The following MAGI1 variants were observed in gnomAD, a reference collection of about 807,000 sequenced individuals.
MAGI1 encodes membrane associated guanylate kinase, WW and PDZ domain containing 1, also known as membrane-associated guanylate kinase, WW and PDZ domain-containing protein 1.
Under a neutral mutation model 139.9 loss-of-function variants are expected in MAGI1, and 58 were observed. The observed-to-expected ratio is 0.41, with a 90% confidence interval of 0.34 to 0.52. MAGI1 has a LOEUF of 0.52. Ranked by LOEUF, MAGI1 falls within the 20% of genes least tolerant of loss-of-function variation. MAGI1 has a pLI of 0.12. For missense variants in MAGI1, 1,874 were observed against 1,901.6 expected (o/e 0.99, Z 0.27); for synonymous variants, 812 against 737.9 (o/e 1.10, Z -1.63).
At chr3:65,951,061 T>C (rs28623330) in intron 1 of MAGI1, among the ~76,000 whole-genome samples, 3,811 of 130,586 alleles carry the variant, frequency 0.029, 248 homozygotes, top group African/African-American at 0.11. Context: ...GGGAGGAAGG[T>C]GGGAGGGAAA....
At chr3:65,822,101 A>G (rs559264427) in intron 1 of MAGI1, among the ~76,000 whole-genome samples, 2 of 152,184 alleles carry the variant, frequency 1.3e-5, no homozygotes, top group Non-Finnish European at 2.9e-5. Flanking sequence ...GGTAATCCAC[A>G]CTATGGGAAA....
At chr3:65,730,555 G>A (rs73832937) in intron 1 of MAGI1, among the ~76,000 whole-genome samples, 1,741 of 152,324 alleles carry the variant, frequency 0.011, 33 homozygotes, top group African/African-American at 0.04. Flanking sequence ...TGGTGTGGCA[G>A]AATGGACTGA....
intron 1 of MAGI1, among the ~76,000 whole-genome samples, chr3:65,767,501 A>G (rs704463): frequency 0.16 from 24,352 of 152,148 alleles, 2,368 homozygotes; most frequent in South Asian, 0.39. Context: ...TACTCAAAGC[A>G]TTTTCAAAAT....
chr3:65,812,661 A>G (rs2041341122), intron 1 of MAGI1, among the ~76,000 whole-genome samples: 1 of 151,150 alleles, frequency 6.6e-6, no homozygotes, highest in African/African-American at 2.4e-5. Flanking sequence ...AGACCACATT[A>G]AATCAATGAT....
Position 65,363,482 on chromosome 3 carries a change from T to C in MAGI1, c.3478A>G (p.Arg1160Gly). ...LRLAEDGPAE[R>G]CGKMRIGDEI... ...CCACTTACCCTCATCTTTCCACACC[T>C]CTCCGCAGGACCGTCCTCTGCTAAG... The change falls in exon 21 of 23, where the codon AGG (arginine) becomes GGG (glycine). Residue 1160 changes from arginine (R) to glycine (G), a missense_variant. Physicochemically the swap from Arg to Gly is moderately radical, Grantham distance 125 (BLOSUM62 -2). Coordinates refer to ENST00000402939, the MANE Select transcript of MAGI1 (RefSeq NM_001033057.2). 1 of 1,612,112 alleles carries C rather than the reference T, an allele frequency of 6.2e-7. No individual in the cohort carries two copies.
At chr3:65,742,630 T>C (rs1005332335) in intron 1 of MAGI1, among the ~76,000 whole-genome samples, 2 of 152,182 alleles carry the variant, frequency 1.3e-5, no homozygotes, top group Non-Finnish European at 2.9e-5. Context: ...TCTGCTGGGG[T>C]GCATGCACAA....
At chr3:65,419,456 A>G (rs1350971422) in intron 12 of MAGI1, among the ~76,000 whole-genome samples, 1 of 152,222 alleles carries the variant, frequency 6.6e-6, no homozygotes, top group Non-Finnish European at 1.5e-5. Flanking sequence ...ACAGCCCAGT[A>G]ATAGGTCACA....
intron 1 of MAGI1, among the ~76,000 whole-genome samples, chr3:65,975,407 A>G (rs1205012521): frequency 6.6e-6 from 1 of 152,200 alleles, no homozygotes; most frequent in African/African-American, 2.4e-5. Flanking sequence ...TATATAAGGC[A>G]TAAAATTTAA....
chr3:65,941,795 T>C (rs1321314534), intron 1 of MAGI1, among the ~76,000 whole-genome samples: 1 of 152,222 alleles, frequency 6.6e-6, no homozygotes, highest in Non-Finnish European at 1.5e-5. Flanking sequence ...GTTGTTGTTG[T>C]TGCTGCTGTT....
chr3:65,524,488 T>C (rs550054740), intron 2 of MAGI1, among the ~76,000 whole-genome samples: 1 of 152,314 alleles, frequency 6.6e-6, no homozygotes, highest in Non-Finnish European at 1.5e-5. Flanking sequence ...TAGGGTAAAT[T>C]GGACTGTCTT....
intron 1 of MAGI1, among the ~76,000 whole-genome samples, chr3:65,741,920 A>T (rs909246604): frequency 1.3e-5 from 2 of 152,158 alleles, no homozygotes; most frequent in African/African-American, 4.8e-5. Flanking sequence ...CAAATAACTA[A>T]TAAGTGTCAT....
At chr3:65,965,115 G>T (rs1485822041) in intron 1 of MAGI1, among the ~76,000 whole-genome samples, 1 of 152,140 alleles carries the variant, frequency 6.6e-6, no homozygotes, top group Non-Finnish European at 1.5e-5. Context: ...AGTATAAATG[G>T]TTTTCCACTG....
At chr3:65,428,687 T>C (rs1376808819) in intron 12 of MAGI1, among the ~76,000 whole-genome samples, 1 of 152,210 alleles carries the variant, frequency 6.6e-6, no homozygotes, top group Non-Finnish European at 1.5e-5. Context: ...GCCCTGGCTT[T>C]ATGGAGCTTT....
Position 65,910,855 on chromosome 3 carries a change from C to CTTTTTT in MAGI1, c.313+127135_313+127140dup, listed in dbSNP as rs397989928. On this transcript the variant is annotated intron_variant, in intron 1 of 22. Transcript: ENST00000402939. The stretch of plus-strand genomic sequence containing the variant: ...TGAGGCCTCTTTCAGACATGGTGGA[C>CTTTTTT]TTTTTTTTTTTTTTTTTTTTGAGAT... 8.4e-5 allele frequency among the ~76,000 whole-genome samples: 5 copies of CTTTTTT among 59,478 alleles called. 2 individuals are homozygous for CTTTTTT. Among genetic ancestry groups the CTTTTTT allele is most frequent in the African/African-American group, 3.2e-4 (4 of 12,678 alleles). 39.0% of individuals were successfully genotyped at this position (59,478 alleles called of 152,430 possible).
chr3:65,453,208 G>A (rs781011109), intron 6 of MAGI1, 50 bp downstream of exon 6: 1 of 1,533,082 alleles, frequency 6.5e-7, no homozygotes, highest in Non-Finnish European at 9.0e-7. Flanking sequence ...ATTTGCACAT[G>A]TGAACAGTGC....
intron 15 of MAGI1, 122 bp downstream of exon 15, chr3:65,383,410 C>A: frequency 1.4e-6 from 1 of 711,278 alleles, no homozygotes; most frequent in Non-Finnish European, 2.5e-6. Flanking sequence ...CCACACTACT[C>A]AAGATTAAAG....
Position 65,429,222 on chromosome 3 carries a change from C to G in MAGI1, c.2167+298G>C, listed in dbSNP as rs371874081. Among the ~76,000 whole-genome samples the G allele has an allele frequency of 3.2e-4, 48 of 152,194 alleles. No homozygotes were observed. The East Asian group carries it at 6.8e-3, about 21-fold the overall frequency. On this transcript the variant is annotated intron_variant, in intron 12 of 22. Transcript: ENST00000402939. ...AAGTGATCTTCCTGCCTCAGCCTCT[C>G]AAGCAGCCAGGACTACAGGTGGGTA...
chr3:65,985,387 A>C (rs2065827697), intron 1 of MAGI1, among the ~76,000 whole-genome samples: 1 of 152,192 alleles, frequency 6.6e-6, no homozygotes, highest in Non-Finnish European at 1.5e-5. Context: ...CATATGCAGA[A>C]ATGTTCTCAA....
rs758785638 is a variant in MAGI1 at position 65,437,238 on chromosome 3, T to A, written c.1280A>T (p.Glu427Val). Residue 427 changes from glutamate (E) to valine (V), a missense_variant, in exon 10 of 23, where the codon GAA (glutamate) becomes GTA (valine). Transcript: ENST00000402939. Reference sequence around the variant, plus strand: ...AGGAGGCACAAGGGCTGAGTGATCTTCTGTCCATTCTATGAAAAAGAAAAG... The same window carrying A: ...AGGAGGCACAAGGGCTGAGTGATCTACTGTCCATTCTATGAAAAAGAAAAG... ...QQQQQTEEWT[E>V]DHSALVPPVI... 6.2e-7 allele frequency: 1 copy of A among 1,605,046 alleles called. No homozygotes were observed. Among genetic ancestry groups the A allele is most frequent in the South Asian group, 1.1e-5 (1 of 90,496 alleles).
Sources: gnomAD v4.1 joint callset for allele counts (sites outside exome capture counted in the v4.1 genomes callset) on GRCh38, gnomAD v4.1.1 for gene constraint, MANE v1.5 for transcripts, NCBI Gene and HGNC (gene_info 2026-07-23, HGNC 2026-07-21) for gene names.